Variants in AFAP1 observed in about 807,000 individuals in gnomAD.
AFAP1 encodes actin filament associated protein 1.
A neutral mutation model predicts 93.9 loss-of-function variants in AFAP1; 75 were observed. That is an observed-to-expected ratio of 0.80 (90% CI 0.66 to 0.97). The LOEUF is 0.97. Among genes scored for constraint, AFAP1 ranks in the 50% least tolerant of loss-of-function variants. The probability of loss-of-function intolerance (pLI) is 0.00; values close to 1 mark genes in which losing one functional copy is unlikely to be tolerated. For missense variants in AFAP1, 1,201 were observed against 1,050.8 expected (o/e 1.14, Z -1.98); for synonymous variants, 517 against 430.7 (o/e 1.20, Z -2.48).
chr4:7,778,645 C>T lies in AFAP1; in HGVS notation c.1897+117G>A, dbSNP rs146036855. On this transcript the variant is annotated intron_variant, in intron 14 of 17. Coordinates refer to ENST00000420658, the MANE Select transcript of AFAP1 (RefSeq NM_001134647.2). ...GATGAGGAAGGATGACGGTGCCCAC[C>T]GCTCCATCTCTCCAGCTGACCCCAA... 479 of 968,468 alleles carry T rather than the reference C, an allele frequency of 4.9e-4. 2 individuals are homozygous for T. In the East Asian group the frequency reaches 8.1e-3, roughly 16 times the overall value. 60.0% of individuals were successfully genotyped at this position (968,468 alleles called of 1,614,324 possible). A position where few individuals can be genotyped will look rare whatever the true frequency, so the allele number is the denominator to read the frequency against.
chr4:7,899,038 TAAGTA>T (rs1718967234), intron 1 of AFAP1, among the ~76,000 whole-genome samples: 1 of 151,272 alleles, frequency 6.6e-6, no homozygotes, highest in Non-Finnish European at 1.5e-5. Context: ...TATATATATA[TAAGTA>T]ATACATACCC....
intron 1 of AFAP1, among the ~76,000 whole-genome samples, chr4:7,892,212 G>A (rs960650375): frequency 2.6e-5 from 4 of 152,148 alleles, no homozygotes; most frequent in African/African-American, 9.7e-5. Context: ...GACAAAAGAG[G>A]CTCCGGCACC....
In AFAP1 at chr4:7,763,724, G is replaced by A. The variant is rs375269484; in HGVS notation, c.*41C>T. On this transcript the variant is annotated 3_prime_UTR_variant, in exon 18 of 18. Transcript: ENST00000420658. ...TCACACAGATGAGGATACAGGCAAGGGGGTGTGCAGTCTCTGAGGCTGGAG... is the reference window on the plus strand; with the variant it reads ...TCACACAGATGAGGATACAGGCAAGAGGGTGTGCAGTCTCTGAGGCTGGAG... 6.4e-6 allele frequency: 10 copies of A among 1,551,174 alleles called. No homozygotes were observed. Among genetic ancestry groups the A allele is most frequent in the Admixed American group, 2.0e-5 (1 of 50,984 alleles).
At chr4:7,773,468 G>T (rs988833747) in intron 15 of AFAP1, 1 of 160,590 alleles carries the variant, frequency 6.2e-6, no homozygotes, top group Non-Finnish European at 1.4e-5. Flanking sequence ...TTTCTTTAAG[G>T]CACATTCACT....
At chr4:7,933,042 G>T (rs540032512) in intron 1 of AFAP1, among the ~76,000 whole-genome samples, 2 of 140,734 alleles carry the variant, frequency 1.4e-5, no homozygotes, top group South Asian at 2.2e-4. Context: ...AAAAAAAAAG[G>T]GGGGGGATCT....
intron 14 of AFAP1, 174 bp downstream of exon 14, chr4:7,778,588 G>C: frequency 1.5e-6 from 1 of 666,374 alleles, no homozygotes; most frequent in East Asian, 2.7e-5. Flanking sequence ...AGAAAAGCTG[G>C]GTTGAAATCG....
rs796146568 is a variant in AFAP1, at chr4:7,861,993, G to C, written c.226-6419C>G. 78 of 152,314 alleles carry C rather than the reference G, an allele frequency of 5.1e-4. 1 individual carries two copies. Among genetic ancestry groups the C allele is most frequent in the African/African-American group, 1.8e-3 (76 of 41,558 alleles). The allele number at this position is 152,314 out of a possible 1,614,324, so 9.4% of individuals were successfully genotyped here. On this transcript the variant is annotated intron_variant, in intron 3 of 17. Coordinates refer to ENST00000420658, the MANE Select transcript of AFAP1 (RefSeq NM_001134647.2). ...GGTTACTGTGAAGGTACCTGAGAAAGGGCGAAATGCATCGATGGGAAGATG... is the reference window on the plus strand; with the variant it reads ...GGTTACTGTGAAGGTACCTGAGAAACGGCGAAATGCATCGATGGGAAGATG...
In AFAP1 at chr4:7,774,890, G is replaced by A. The variant is rs775901569; in HGVS notation, c.1911C>T (p.Tyr637=). The A allele has an allele frequency of 6.2e-7, 1 of 1,612,962 alleles. No homozygotes were observed. Among genetic ancestry groups the A allele is most frequent in the Admixed American group, 1.7e-5 (1 of 59,718 alleles). Residue 637 remains tyrosine (Y), a synonymous_variant, in exon 15 of 18, where the codon TAC becomes TAT. Coordinates refer to ENST00000420658, the MANE Select transcript of AFAP1 (RefSeq NM_001134647.2). Reference sequence around the variant, plus strand: ...CTTCTACCCGGTTCTTGCCATACTTGTACTGGGCAGCATCTTGAGAAGAAA... The same window carrying A: ...CTTCTACCCGGTTCTTGCCATACTTATACTGGGCAGCATCTTGAGAAGAAA... The part of the protein sequence containing the change: ...VKRTGSNAAQ[Y]KYGKNRVEAD...
intron 1 of AFAP1, among the ~76,000 whole-genome samples, chr4:7,916,396 ATGGAG>A (rs1485685068): frequency 6.6e-6 from 1 of 152,164 alleles, no homozygotes; most frequent in Non-Finnish European, 1.5e-5. Context: ...TCCAAGTTTC[ATGGAG>A]GATGTCTGAT....
At chr4:7,843,016 C>T in intron 5 of AFAP1, 123 bp downstream of exon 5, 1 of 1,123,328 alleles carries the variant, frequency 8.9e-7, no homozygotes, top group Non-Finnish European at 1.3e-6. Flanking sequence ...GCTCAGGGCA[C>T]CTGGCTGACA....
At chr4:7,841,796 AGTAG>A (rs1227684679) in intron 5 of AFAP1, among the ~76,000 whole-genome samples, 3 of 151,600 alleles carry the variant, frequency 2.0e-5, no homozygotes, top group African/African-American at 7.3e-5. Flanking sequence ...TACTCTTAGT[AGTAG>A]GTATTATCAT....
intron 1 of AFAP1, among the ~76,000 whole-genome samples, chr4:7,895,114 C>G (rs1484108434): frequency 6.6e-6 from 1 of 152,196 alleles, no homozygotes; most frequent in African/African-American, 2.4e-5. Flanking sequence ...AATCCAGACT[C>G]CAGGAGGATG....
chr4:7,849,865 G>A (rs944127959), intron 4 of AFAP1, among the ~76,000 whole-genome samples: 5 of 152,020 alleles, frequency 3.3e-5, no homozygotes, highest in Middle Eastern at 3.4e-3. Flanking sequence ...ATGCAAGAGG[G>A]TCACAAAGTT....
intron 1 of AFAP1, among the ~76,000 whole-genome samples, chr4:7,914,306 C>T (rs1470011072): frequency 7.9e-5 from 12 of 152,140 alleles, no homozygotes; most frequent in African/African-American, 2.9e-4. Context: ...CCACCCACCT[C>T]GGCCTCCCAC....
intron 16 of AFAP1, among the ~76,000 whole-genome samples, chr4:7,769,817 C>T (rs1405074747): frequency 2.0e-5 from 3 of 152,216 alleles, no homozygotes; most frequent in Admixed American, 6.5e-5. Flanking sequence ...ATGGGCAGCT[C>T]GGGGTCCCCT....
intron 8 of AFAP1, among the ~76,000 whole-genome samples, chr4:7,815,589 A>G (rs1189081305): frequency 6.6e-6 from 1 of 152,206 alleles, no homozygotes; most frequent in Non-Finnish European, 1.5e-5. Context: ...CATGGGGCTC[A>G]GCAAAGGCAG....
chr4:7,869,116 G>A lies in AFAP1; in HGVS notation c.128-397C>T, dbSNP rs186866474. Among the ~76,000 whole-genome samples the A allele has an allele frequency of 9.9e-5, 14 of 141,164 alleles. No individual in the cohort carries two copies. In the East Asian group the frequency reaches 1.5e-3, roughly 15 times the overall value. 92.6% of individuals were successfully genotyped at this position (141,164 alleles called of 152,430 possible). On this transcript the variant is annotated intron_variant, in intron 2 of 17. Coordinates refer to ENST00000420658, the MANE Select transcript of AFAP1 (RefSeq NM_001134647.2). ...GAAAAAGAGAAAGGGAAAGGGAAAC[G>A]GAAAGAAAAGAGAAAAAAGAATAAA...
intron 1 of AFAP1, among the ~76,000 whole-genome samples, chr4:7,896,982 G>A (rs1560225270): frequency 6.6e-6 from 1 of 152,040 alleles, no homozygotes; most frequent in African/African-American, 2.4e-5. Flanking sequence ...TACGTGGCTG[G>A]TCTCTGCTGG....
intron 14 of AFAP1, 50 bp from the exon 15 acceptor site, chr4:7,774,953 G>A (rs1323685690): frequency 1.0e-5 from 16 of 1,588,826 alleles, no homozygotes; most frequent in Non-Finnish European, 1.3e-5. Context: ...ACTAGCCTGG[G>A]AAATATGGGA....
Sources: gnomAD v4.1 joint callset for allele counts (sites outside exome capture counted in the v4.1 genomes callset) on GRCh38, gnomAD v4.1.1 for gene constraint, MANE v1.5 for transcripts, NCBI Gene and HGNC (gene_info 2026-07-23, HGNC 2026-07-21) for gene names.